NTNG1: variants seen among roughly 807,000 people sequenced by gnomAD.
NTNG1 encodes the protein netrin-G1.
NTNG1 carries 16 observed loss-of-function variants against 54.0 expected under a neutral mutation model. The ratio of observed to expected loss-of-function variants is 0.30; its 90% confidence interval spans 0.20 to 0.45. The LOEUF (loss-of-function observed/expected upper bound fraction) is 0.45, where lower values mean the gene tolerates loss of function less well. Ranked by LOEUF, NTNG1 falls within the 20% of genes least tolerant of loss-of-function variation. The pLI, the probability that NTNG1 is intolerant of heterozygous loss-of-function variation, is 1.00. For missense variants in NTNG1, 530 were observed against 678.7 expected, an observed-to-expected ratio of 0.78 and a Z score of 2.43; for synonymous variants, 255 against 263.1, an observed-to-expected ratio of 0.97 and a Z score of 0.30.
intron 3 of NTNG1, among the ~76,000 whole-genome samples, chr1:107,383,389 G>A (rs1226928790): frequency 6.6e-6 from 1 of 152,106 alleles, no homozygotes; most frequent in Non-Finnish European, 1.5e-5. Flanking sequence ...ATCCAAGGAA[G>A]TATATAAGAA....
At chr1:107,158,999 A>T (rs762531519) in intron 2 of NTNG1, among the ~76,000 whole-genome samples, 1 of 152,152 alleles carries the variant, frequency 6.6e-6, no homozygotes, top group Non-Finnish European at 1.5e-5. Context: ...CTTTTTGAAA[A>T]TGACATTCAA....
chr1:107,324,594 C>T lies in NTNG1; in HGVS notation c.559C>T (p.His187Tyr). The change falls in exon 3 of 8, where the codon CAC becomes TAC. Residue 187 changes from histidine (H) to tyrosine (Y), a missense_variant. Coordinates refer to ENST00000370068, the MANE Select transcript of NTNG1 (RefSeq NM_001113226.3). ...TGCCACAGACTGCTTAGATGCTTTT[C>T]ACATGGATCCTAAATCCGTGAAGGA... ...YYATDCLDAF[H>Y]MDPKSVKDLS... is the part of the protein sequence containing the mutation. 1 of 1,613,692 alleles carries T rather than the reference C, an allele frequency of 6.2e-7. No individual in the cohort carries two copies. The highest frequency in any genetic ancestry group is 8.5e-7 in the Non-Finnish European group (1 of 1,179,836).
At chr1:107,310,504 C>T (rs946432208) in intron 2 of NTNG1, among the ~76,000 whole-genome samples, 20 of 152,052 alleles carry the variant, frequency 1.3e-4, no homozygotes, top group African/African-American at 4.8e-4. Context: ...ACAGCTATTC[C>T]AGTCTTACAG....
At chr1:107,470,895 G>A (rs1212616474) in intron 7 of NTNG1, among the ~76,000 whole-genome samples, 8 of 152,080 alleles carry the variant, frequency 5.3e-5, no homozygotes, top group Admixed American at 2.6e-4. Context: ...ATTCTTTCTC[G>A]ATATCAGCAA....
intron 3 of NTNG1, among the ~76,000 whole-genome samples, chr1:107,362,064 C>G (rs943112650): frequency 3.9e-5 from 6 of 152,174 alleles, no homozygotes; most frequent in Admixed American, 3.3e-4. Context: ...TCCCTCGTCT[C>G]ATGCTCTTGT....
chr1:107,478,590 T>C (rs2101611395), intron 7 of NTNG1, among the ~76,000 whole-genome samples: 1 of 152,324 alleles, frequency 6.6e-6, no homozygotes, highest in East Asian at 1.9e-4. Context: ...TTCTTCTCAA[T>C]TATTCAAGGC....
chr1:107,313,785 C>T (rs1203241945), intron 2 of NTNG1, among the ~76,000 whole-genome samples: 2 of 152,228 alleles, frequency 1.3e-5, no homozygotes, highest in South Asian at 2.1e-4. Context: ...ACTGTCCTTG[C>T]ATTTACTCTT....
At chr1:107,190,672 C>A (rs138580010) in intron 2 of NTNG1, among the ~76,000 whole-genome samples, 1 of 151,984 alleles carries the variant, frequency 6.6e-6, no homozygotes, top group Non-Finnish European at 1.5e-5. Context: ...TGAGAACATG[C>A]GGTGTTTGGC....
chr1:107,436,712 T>C lies in NTNG1; in HGVS notation c.1303T>C (p.Ser435Pro). Residue 435 changes from serine (S) to proline (P), a missense_variant, in exon 7 of 8, where the codon TCA becomes CCA. This residue lies in a region of NTNG1 where 212 missense variants were observed against 213.6 expected (regional missense o/e 0.99). Coordinates refer to ENST00000370068, the MANE Select transcript of NTNG1 (RefSeq NM_001113226.3). ...LGSIHDRCNGSGFCECKTGTT... is the reference protein window; with the variant it reads ...LGSIHDRCNGPGFCECKTGTT... ...CTCAATCCATGATCGTTGTAATGGC[T>C]CAGGATTTTGTGAGTGTAAGACTGG... is the stretch of plus-strand genomic sequence containing the variant. The C allele has an allele frequency of 6.2e-7, 1 of 1,613,472 alleles. No homozygotes were observed. Among genetic ancestry groups the C allele is most frequent in the Non-Finnish European group, 8.5e-7 (1 of 1,179,546 alleles).
At chr1:107,302,991 CT>C (rs1666418305) in intron 2 of NTNG1, among the ~76,000 whole-genome samples, 1 of 152,142 alleles carries the variant, frequency 6.6e-6, no homozygotes, top group Non-Finnish European at 1.5e-5. Context: ...ATATTTCCCC[CT>C]ACCTTCCTAC....
intron 7 of NTNG1, among the ~76,000 whole-genome samples, chr1:107,459,492 AG>A (rs1331571879): frequency 6.6e-6 from 1 of 152,172 alleles, no homozygotes; most frequent in Non-Finnish European, 1.5e-5. Context: ...AAGATGGGGG[AG>A]GAAAAAAAGG....
chr1:107,261,306 C>G (rs1052936508), intron 2 of NTNG1, among the ~76,000 whole-genome samples: 1 of 152,074 alleles, frequency 6.6e-6, no homozygotes, highest in East Asian at 1.9e-4. Context: ...TTAGTCACAA[C>G]TATGATAAAT....
At chr1:107,342,539 G>A (rs1668963139) in intron 3 of NTNG1, among the ~76,000 whole-genome samples, 1 of 152,084 alleles carries the variant, frequency 6.6e-6, no homozygotes, top group Non-Finnish European at 1.5e-5. Flanking sequence ...AAATGCAAAT[G>A]GTTGTTAATA....
At chr1:107,381,574 C>T (rs1197528556) in intron 3 of NTNG1, among the ~76,000 whole-genome samples, 1 of 152,108 alleles carries the variant, frequency 6.6e-6, no homozygotes, top group East Asian at 1.9e-4. Flanking sequence ...GATTGCTGCT[C>T]AATCCATTGT....
At chr1:107,173,253 C>A (rs1656389865) in intron 2 of NTNG1, among the ~76,000 whole-genome samples, 3 of 152,034 alleles carry the variant, frequency 2.0e-5, no homozygotes, top group African/African-American at 7.2e-5. Flanking sequence ...AGCAGTTTTT[C>A]ATTTTATGTT....
intron 3 of NTNG1, among the ~76,000 whole-genome samples, chr1:107,375,641 T>A (rs901915737): frequency 2.0e-5 from 3 of 152,226 alleles, no homozygotes; most frequent in African/African-American, 7.2e-5. Context: ...AATGTTGACT[T>A]ATCTTTTGAT....
At chr1:107,181,692 A>T (rs575974086) in intron 2 of NTNG1, among the ~76,000 whole-genome samples, 2 of 152,132 alleles carry the variant, frequency 1.3e-5, no homozygotes, top group African/African-American at 2.4e-5. Context: ...CCCTTGCTGT[A>T]CTGCGCTTCT....
intron 5 of NTNG1, chr1:107,408,892 C>G (rs996896481): frequency 3.3e-5 from 5 of 152,116 alleles, no homozygotes; most frequent in African/African-American, 1.2e-4. Context: ...AAAGCAACTT[C>G]CTGCTTCTTA....
intron 2 of NTNG1, among the ~76,000 whole-genome samples, chr1:107,246,791 C>A (rs1257138308): frequency 6.6e-6 from 1 of 151,962 alleles, no homozygotes; most frequent in Non-Finnish European, 1.5e-5. Context: ...ACATAAAATC[C>A]AAGATCCTGT....
Sources: gnomAD v4.1 joint callset for allele counts (sites outside exome capture counted in the v4.1 genomes callset) on GRCh38, gnomAD v4.1.1 for gene constraint, gnomAD v4.1.1 regional missense constraint, MANE v1.5 for transcripts, NCBI Gene and HGNC (gene_info 2026-07-23, HGNC 2026-07-21) for gene names.